SHISA6: variants seen among roughly 807,000 people sequenced by gnomAD.
The protein encoded by SHISA6 is shisa family member 6, also known as protein shisa-6.
Under a neutral mutation model 47.9 loss-of-function variants are expected in SHISA6, and 22 were observed. The observed-to-expected ratio is 0.46, with a 90% confidence interval of 0.33 to 0.66. The LOEUF (loss-of-function observed/expected upper bound fraction) is 0.66, where lower values mean the gene tolerates loss of function less well. Among genes scored for constraint, SHISA6 ranks in the 30% least tolerant of loss-of-function variants. The pLI is 0.02. For synonymous variants in SHISA6, 388 were observed against 337.8 expected (o/e 1.15, Z -1.63); for missense variants, 680 against 764.6 (o/e 0.89, Z 1.30).
intron 3 of SHISA6, among the ~76,000 whole-genome samples, chr17:11,403,110 T>C (rs1913834868): frequency 6.6e-6 from 1 of 152,222 alleles, no homozygotes; most frequent in Non-Finnish European, 1.5e-5. Context: ...GAGATTATGC[T>C]AATGTACCAA....
intron 3 of SHISA6, among the ~76,000 whole-genome samples, chr17:11,513,567 C>T (rs1423163478): frequency 1.3e-5 from 2 of 152,168 alleles, no homozygotes; most frequent in African/African-American, 2.4e-5. Context: ...TTGCATAAAT[C>T]CTTTCCCATC....
chr17:11,457,065 C>A (rs1003412764), intron 3 of SHISA6, among the ~76,000 whole-genome samples: 1 of 152,230 alleles, frequency 6.6e-6, no homozygotes, highest in East Asian at 1.9e-4. Context: ...GAAGTCAGTC[C>A]CCCTTGTCAG....
At chr17:11,379,158 T>G (rs1912920859) in intron 2 of SHISA6, among the ~76,000 whole-genome samples, 1 of 148,306 alleles carries the variant, frequency 6.7e-6, no homozygotes, top group Non-Finnish European at 1.5e-5. Flanking sequence ...TACTAATATA[T>G]ACACACATAT....
intron 2 of SHISA6, among the ~76,000 whole-genome samples, chr17:11,354,307 G>T (rs924568940): frequency 1.3e-5 from 2 of 152,172 alleles, no homozygotes; most frequent in Non-Finnish European, 2.9e-5. Context: ...AAACTCTCTA[G>T]TTGTGCCCAT....
chr17:11,346,119 C>T (rs1911693030), intron 2 of SHISA6, among the ~76,000 whole-genome samples: 1 of 152,028 alleles, frequency 6.6e-6, no homozygotes, highest in Non-Finnish European at 1.5e-5. Flanking sequence ...TGAGGATGTT[C>T]CCATCTGTCT....
chr17:11,312,957 A>G (rs578000244), intron 2 of SHISA6, among the ~76,000 whole-genome samples: 34 of 152,290 alleles, frequency 2.2e-4, no homozygotes, highest in Admixed American at 5.9e-4. Flanking sequence ...CTGTCAAACA[A>G]ACAAACAAAA....
chr17:11,388,835 TA>T (rs1913291938), intron 3 of SHISA6, among the ~76,000 whole-genome samples: 1 of 92,724 alleles, frequency 1.1e-5, no homozygotes, highest in Non-Finnish European at 2.1e-5. Flanking sequence ...TATATATATA[TA>T]TATATTTTAA....
intron 2 of SHISA6, among the ~76,000 whole-genome samples, chr17:11,302,746 A>G (rs1010312942): frequency 9.2e-5 from 14 of 152,282 alleles, no homozygotes; most frequent in African/African-American, 3.4e-4. Flanking sequence ...ACCATTTCAC[A>G]TATAGGGCCA....
chr17:11,265,230 C>T (rs1908383154), intron 2 of SHISA6, among the ~76,000 whole-genome samples: 1 of 152,204 alleles, frequency 6.6e-6, no homozygotes, highest in Admixed American at 6.5e-5. Context: ...CAAGGTGATT[C>T]TAACATGCGT....
At chr17:11,338,465 G>A (rs1477034736) in intron 2 of SHISA6, among the ~76,000 whole-genome samples, 1 of 152,090 alleles carries the variant, frequency 6.6e-6, no homozygotes, top group Non-Finnish European at 1.5e-5. Flanking sequence ...GCAGTGGCAT[G>A]ATCTCGGCTC....
At chr17:11,320,485 C>T (rs529175929) in intron 2 of SHISA6, among the ~76,000 whole-genome samples, 18 of 152,142 alleles carry the variant, frequency 1.2e-4, no homozygotes, top group African/African-American at 4.3e-4. Flanking sequence ...TGGTGAAATC[C>T]CGTCTCTACT....
intron 1 of SHISA6, among the ~76,000 whole-genome samples, chr17:11,249,584 AC>A (rs1222509921): frequency 6.6e-6 from 1 of 152,034 alleles, no homozygotes; most frequent in Non-Finnish European, 1.5e-5. Flanking sequence ...GGTTGTACAT[AC>A]CTTAATGTGT....
chr17:11,540,634 G>A (rs1235837428), intron 3 of SHISA6, among the ~76,000 whole-genome samples: 2 of 152,154 alleles, frequency 1.3e-5, no homozygotes, highest in African/African-American at 2.4e-5. Context: ...GGATGTATAT[G>A]TTTCCTGTCT....
chr17:11,361,728 GTTAA>G (rs1195738587), intron 2 of SHISA6, among the ~76,000 whole-genome samples: 1 of 152,224 alleles, frequency 6.6e-6, no homozygotes, highest in African/African-American at 2.4e-5. Flanking sequence ...ATGGGTATTT[GTTAA>G]TTAATTCAAT....
chr17:11,543,767 A>G (rs930626568), intron 3 of SHISA6, among the ~76,000 whole-genome samples: 6 of 152,128 alleles, frequency 3.9e-5, no homozygotes. Context: ...ATACATATAG[A>G]TAAATGGAAC....
At chr17:11,541,036 T>C (rs781238087) in intron 3 of SHISA6, among the ~76,000 whole-genome samples, 1 of 152,220 alleles carries the variant, frequency 6.6e-6, no homozygotes, top group Non-Finnish European at 1.5e-5. Context: ...CTCTCTGATC[T>C]TGGACAGGTT....
intron 2 of SHISA6, among the ~76,000 whole-genome samples, chr17:11,291,232 A>G (rs900685784): frequency 6.6e-6 from 1 of 151,518 alleles, no homozygotes; most frequent in Non-Finnish European, 1.5e-5. Flanking sequence ...CATATAATTA[A>G]AATAGAGGAT....
chr17:11,407,253 G>A (rs1415931961), intron 3 of SHISA6, among the ~76,000 whole-genome samples: 1 of 151,800 alleles, frequency 6.6e-6, no homozygotes, highest in Non-Finnish European at 1.5e-5. Context: ...AGGTAACCTG[G>A]CCAACATATA....
chr17:11,545,357 C>T (rs1281768744), intron 3 of SHISA6, among the ~76,000 whole-genome samples: 2 of 151,982 alleles, frequency 1.3e-5, no homozygotes, highest in African/African-American at 2.4e-5. Context: ...TAGGAATGAA[C>T]GATTTATTGG....
Sources: gnomAD v4.1 joint callset for allele counts (sites outside exome capture counted in the v4.1 genomes callset) on GRCh38, gnomAD v4.1.1 for gene constraint, MANE v1.5 for transcripts, NCBI Gene and HGNC (gene_info 2026-07-23, HGNC 2026-07-21) for gene names.